The following ODAD4 variants were observed in gnomAD, a reference collection of about 807,000 sequenced individuals.
The protein encoded by ODAD4 is outer dynein arm-docking complex subunit 4.
A neutral mutation model predicts 51.8 loss-of-function variants in ODAD4; 49 were observed. That is an observed-to-expected ratio of 0.95 (90% confidence interval 0.75 to 1.20). The LOEUF is 1.20. Ranked by LOEUF, ODAD4 falls within the 50% of genes most tolerant of loss-of-function variation. The pLI is 0.00. For synonymous variants in ODAD4, 235 were observed against 221.3 expected (o/e 1.06, Z -0.55); for missense variants, 590 against 586.5 (o/e 1.01, Z -0.06).
intron 1 of ODAD4, among the ~76,000 whole-genome samples, chr17:41,931,601 CAA>C (rs1555636856): frequency 6.6e-6 from 1 of 151,596 alleles, no homozygotes; most frequent in African/African-American, 2.4e-5. Context: ...AGTGCAGTGG[CAA>C]GATCTCAGCT....
At chr17:41,945,009 A>C in intron 7 of ODAD4, 127 bp from the exon 8 acceptor site, 1 of 695,162 alleles carries the variant, frequency 1.4e-6, no homozygotes, top group Non-Finnish European at 2.5e-6. Flanking sequence ...TGGGCTGGAC[A>C]TTGTCCCTCC....
At chr17:41,964,560 C>T (rs537149996) in intron 11 of ODAD4, among the ~76,000 whole-genome samples, 1 of 152,320 alleles carries the variant, frequency 6.6e-6, no homozygotes, top group Admixed American at 6.5e-5. Context: ...AAAGAGCTGG[C>T]AAAAACAGTC....
In ODAD4 at chr17:41,965,732, A is replaced by C; in HGVS notation, c.*249A>C. ...GGAAGAAATGAGAAAGGTGCCAAGA[A>C]GAAAGGGTTTCAGGAGGGTGAAGAT... On this transcript the variant is annotated 3_prime_UTR_variant, in exon 12 of 12. Coordinates refer to ENST00000377540, the MANE Select transcript of ODAD4 (RefSeq NM_031421.5). The C allele has an allele frequency of 2.3e-6, 1 of 442,344 alleles. No homozygotes were observed. Among genetic ancestry groups the C allele is most frequent in the Non-Finnish European group, 4.0e-6 (1 of 248,922 alleles). 27.4% of individuals were successfully genotyped at this position (442,344 alleles called of 1,614,324 possible). A position where few individuals can be genotyped will look rare whatever the true frequency, so the allele number is the denominator to read the frequency against.
At position 41,946,856 on chromosome 17, in the gene ODAD4, C is replaced by CT. The variant is rs79664258; in HGVS notation, c.1145+1646dup. 4.6e-3 allele frequency among the ~76,000 whole-genome samples: 595 copies of CT among 130,334 alleles called. 16 individuals are homozygous for CT. In the East Asian group the frequency reaches 0.096, roughly 21 times the overall value. The allele number at this position is 130,334 out of a possible 152,430, so 85.5% of individuals were successfully genotyped here. On this transcript the variant is annotated intron_variant, in intron 8 of 11. Coordinates refer to ENST00000377540, the MANE Select transcript of ODAD4 (RefSeq NM_031421.5). ...ACCATGTCCGGCTAATTTTTCTTTT[C>CT]TTTTTTTTTTTTGAGACGGAGTCTC... is the stretch of plus-strand genomic sequence containing the variant.
intron 9 of ODAD4, among the ~76,000 whole-genome samples, chr17:41,952,941 T>C (rs529737365): frequency 2.0e-5 from 3 of 151,998 alleles, no homozygotes; most frequent in African/African-American, 7.2e-5. Flanking sequence ...CTCCCTATGT[T>C]GTCCAGGTTG....
intron 1 of ODAD4, among the ~76,000 whole-genome samples, chr17:41,932,319 C>A (rs1447174306): frequency 1.3e-5 from 2 of 152,074 alleles, no homozygotes; most frequent in African/African-American, 4.8e-5. Flanking sequence ...TCCCCCCCCA[C>A]CTCAGCCTCC....
At chr17:41,959,164 G>T (rs528643533) in intron 10 of ODAD4, among the ~76,000 whole-genome samples, 62 of 152,288 alleles carry the variant, frequency 4.1e-4, no homozygotes, top group African/African-American at 1.5e-3. Flanking sequence ...GGTGCTCTGG[G>T]CTCCCCCACC....
chr17:41,935,734 A>G lies in ODAD4; in HGVS notation c.382A>G (p.Asn128Asp). ...CATTCAGAAAGCCCAGGAAGCCATCAACAACTCAGTGGGAAGTGAGTGACC... is the reference window on the plus strand; with the variant it reads ...CATTCAGAAAGCCCAGGAAGCCATCGACAACTCAGTGGGAAGTGAGTGACC... ...VGIQKAQEAI[N>D]NSVGSPSSIK... is the part of the protein sequence containing the mutation. The change falls in exon 3 of 12, where the codon AAC (asparagine) becomes GAC (aspartate). Residue 128 changes from asparagine (N) to aspartate (D), a missense_variant. By Grantham distance (23) the Asn-to-Asp change is conservative (BLOSUM62 1). Coordinates refer to ENST00000377540, the MANE Select transcript of ODAD4 (RefSeq NM_031421.5). 1 of 1,613,970 alleles carries G rather than the reference A, an allele frequency of 6.2e-7. No individual in the cohort carries two copies. The highest frequency in any genetic ancestry group is 8.5e-7 in the Non-Finnish European group (1 of 1,179,864).
At position 41,965,609 on chromosome 17, in the gene ODAD4, A is replaced by G. The variant is rs1447681866; in HGVS notation, c.*126A>G. 4.9e-6 allele frequency: 3 copies of G among 611,996 alleles called. No homozygotes were observed. Among genetic ancestry groups the G allele is most frequent in the Non-Finnish European group, 8.7e-6 (3 of 346,310 alleles). 37.9% of individuals were successfully genotyped at this position (611,996 alleles called of 1,614,324 possible). ...GAGGGTTTTACTTCTGCTGCTTTCC[A>G]TCACTATTTTGCCATTAAATAGGTG... On this transcript the variant is annotated 3_prime_UTR_variant, in exon 12 of 12. Coordinates refer to ENST00000377540, the MANE Select transcript of ODAD4 (RefSeq NM_031421.5).
At chr17:41,945,050 C>T (rs2050566941) in intron 7 of ODAD4, 86 bp from the exon 8 acceptor site, 1 of 1,064,572 alleles carries the variant, frequency 9.4e-7, no homozygotes, top group South Asian at 1.4e-5. Context: ...GAGGCCAGGG[C>T]TCCTGTCTTT....
intron 9 of ODAD4, among the ~76,000 whole-genome samples, chr17:41,951,584 A>T (rs1484508186): frequency 6.6e-6 from 1 of 151,536 alleles, no homozygotes; most frequent in Non-Finnish European, 1.5e-5. Context: ...TTACATACTC[A>T]GTTAAAAATT....
intron 4 of ODAD4, 55 bp downstream of exon 4, chr17:41,936,589 C>T: frequency 6.4e-7 from 1 of 1,552,844 alleles, no homozygotes; most frequent in Non-Finnish European, 8.9e-7. Flanking sequence ...CTATGTGTGC[C>T]TGAGAAGGGG....
intron 9 of ODAD4, among the ~76,000 whole-genome samples, chr17:41,952,365 CAAAA>C (rs140105127): frequency 4.6e-5 from 4 of 87,220 alleles, no homozygotes; most frequent in African/African-American, 9.7e-5. Context: ...GACTCTGTAT[CAAAA>C]AAAAAAAAAA....
In ODAD4 at chr17:41,965,587, G is replaced by A. The variant is rs1398254185; in HGVS notation, c.*104G>A. ...ATTTGTCTGTTATAGGAAAAATGAG[G>A]GTTTTACTTCTGCTGCTTTCCATCA... is the stretch of plus-strand genomic sequence containing the variant. On this transcript the variant is annotated 3_prime_UTR_variant, in exon 12 of 12. Transcript: ENST00000377540. 1.6e-6 allele frequency: 1 copy of A among 630,618 alleles called. No homozygotes were observed. The highest frequency in any genetic ancestry group is 2.8e-6 in the Non-Finnish European group (1 of 355,786). 39.1% of individuals were successfully genotyped at this position (630,618 alleles called of 1,614,324 possible). A position where few individuals can be genotyped will look rare whatever the true frequency, so the allele number is the denominator to read the frequency against.
At chr17:41,943,207 C>G (rs1239082224) in intron 7 of ODAD4, among the ~76,000 whole-genome samples, 1 of 152,180 alleles carries the variant, frequency 6.6e-6, no homozygotes, top group Non-Finnish European at 1.5e-5. Context: ...TACTCATGTA[C>G]ATATGCAGGA....
intron 11 of ODAD4, among the ~76,000 whole-genome samples, chr17:41,964,234 T>A (rs895885787): frequency 6.6e-6 from 1 of 152,124 alleles, no homozygotes; most frequent in Non-Finnish European, 1.5e-5. Flanking sequence ...CTTATTTTTG[T>A]ATTTTTAGTA....
intron 7 of ODAD4, among the ~76,000 whole-genome samples, chr17:41,944,197 CAA>C (rs548959105): frequency 7.3e-4 from 76 of 104,470 alleles, no homozygotes; most frequent in African/African-American, 2.0e-3. Context: ...AACTCCGTCT[CAA>C]AAAAAAAAAA....
At position 41,965,087 on chromosome 17, in the gene ODAD4, T is replaced by C. The variant is rs376733724; in HGVS notation, c.1623T>C (p.His541=). ...AGAAGGTGGTGAAGCAGTGGGACCATAGTGAGGATGAGAAAGAGACAGATG... is the reference window on the plus strand; with the variant it reads ...AGAAGGTGGTGAAGCAGTGGGACCACAGTGAGGATGAGAAAGAGACAGATG... ...EPEKVVKQWD[H]SEDEKETDED... is the part of the protein sequence containing the mutation. Residue 541 remains histidine, a synonymous_variant, in exon 12 of 12, where the codon CAT becomes CAC. Coordinates refer to ENST00000377540, the MANE Select transcript of ODAD4 (RefSeq NM_031421.5). The C allele has an allele frequency of 2.6e-6, 2 of 767,632 alleles. No individual in the cohort carries two copies. The highest frequency in any genetic ancestry group is 4.9e-6 in the Non-Finnish European group (2 of 411,912). 47.6% of individuals were successfully genotyped at this position (767,632 alleles called of 1,614,324 possible). A position where few individuals can be genotyped will look rare whatever the true frequency, so the allele number is the denominator to read the frequency against.
intron 7 of ODAD4, among the ~76,000 whole-genome samples, chr17:41,944,429 CACACACACACACA>C (rs1567933013): frequency 1.5e-3 from 10 of 6,668 alleles, no homozygotes; most frequent in Non-Finnish European, 2.1e-3. Flanking sequence ...CACACACACA[CACACACACACACA>C]CACCCCCCCG....
Sources: gnomAD v4.1 joint callset for allele counts (sites outside exome capture counted in the v4.1 genomes callset) on GRCh38, gnomAD v4.1.1 for gene constraint, MANE v1.5 for transcripts, NCBI Gene and HGNC (gene_info 2026-07-23, HGNC 2026-07-21) for gene names.